Variants in TPGS2 observed in about 807,000 individuals in gnomAD.
TPGS2 encodes the protein tubulin polyglutamylase complex subunit 2, also known as polyglutamylase subunit 2.
TPGS2 carries 26 observed loss-of-function variants against 31.1 expected under a neutral mutation model. The observed-to-expected ratio is 0.84, with a 90% CI of 0.61 to 1.16. TPGS2 has a LOEUF of 1.16. Ranked by LOEUF, TPGS2 falls within the 50% of genes most tolerant of loss-of-function variation. The pLI is 0.00. For synonymous variants in TPGS2, 130 were observed against 136.6 expected (o/e 0.95, Z 0.34); for missense variants, 351 against 363.8 (o/e 0.96, Z 0.29).
chr18:36,806,850 TAAAAAAAAAAA>T (rs397962723), intron 3 of TPGS2, among the ~76,000 whole-genome samples: 28 of 37,336 alleles, frequency 7.5e-4, no homozygotes, highest in African/African-American at 2.7e-3. Context: ...GACTCCATCT[TAAAAAAAAAAA>T]AAAAAAAAAA....
chr18:36,795,421 C>CTAAT lies in TPGS2; in HGVS notation c.*1380_*1383dup, dbSNP rs1389534072. ...CCCTGCACCTCATTCCTCAAAACTC[C>CTAAT]TAATTCTCTAACCTCTGGGACTTCA... On this transcript the variant is annotated 3_prime_UTR_variant, in exon 7 of 7. Transcript: ENST00000334295. The CTAAT allele has an allele frequency of 2.0e-6, 2 of 985,256 alleles. No homozygotes were observed. The highest frequency in any genetic ancestry group is 1.7e-5 in the African/African-American group (1 of 57,216). The allele number at this position is 985,256 out of a possible 1,614,324, so 61.0% of individuals were successfully genotyped here.
chr18:36,796,107 G>C lies in TPGS2; in HGVS notation c.*698C>G, dbSNP rs183977749. ...ACAAACTTTATAGGAAGCTGCAAAA[G>C]AAATGAGCAGAGCGAGATATTTGTG... On this transcript the variant is annotated 3_prime_UTR_variant, in exon 7 of 7. Coordinates refer to ENST00000334295, the MANE Select transcript of TPGS2 (RefSeq NM_015476.4). 6.4e-5 allele frequency: 63 copies of C among 985,444 alleles called. No homozygotes were observed. Among genetic ancestry groups the C allele is most frequent in the Non-Finnish European group, 7.0e-5 (58 of 829,944 alleles). The allele number at this position is 985,444 out of a possible 1,614,324, so 61.0% of individuals were successfully genotyped here.
chr18:36,826,701 T>C (rs947923644), intron 1 of TPGS2, among the ~76,000 whole-genome samples: 4 of 152,300 alleles, frequency 2.6e-5, no homozygotes, highest in East Asian at 1.9e-4. Flanking sequence ...TAATGAATCA[T>C]AGCCATGAGT....
At position 36,810,250 on chromosome 18, in the gene TPGS2, A is replaced by G. The variant is rs760324869; in HGVS notation, c.166-2316T>C. Among the ~76,000 whole-genome samples, 6 of 152,198 alleles carry G rather than the reference A, an allele frequency of 3.9e-5. 1 individual carries two copies. Among genetic ancestry groups the G allele is most frequent in the Non-Finnish European group, 8.8e-5 (6 of 68,044 alleles). ...TTCTGAGTGGGGCAAATCCAGGAAG[A>G]AAGGTTCACAACCAAAATTTAAATG... is the stretch of plus-strand genomic sequence containing the variant. On this transcript the variant is annotated intron_variant, in intron 2 of 6. Coordinates refer to ENST00000334295, the MANE Select transcript of TPGS2 (RefSeq NM_015476.4).
Position 36,796,349 on chromosome 18 carries a change from CAAAA to C in TPGS2, c.*452_*455del. On this transcript the variant is annotated 3_prime_UTR_variant, in exon 7 of 7. Coordinates refer to ENST00000334295, the MANE Select transcript of TPGS2 (RefSeq NM_015476.4). ...AGAATCTACCAGCCACATGAATACT[CAAAA>C]TGTGGCTAATGCAATTGAAGAAATG... The C allele has an allele frequency of 1.0e-6, 1 of 968,180 alleles. No individual in the cohort carries two copies. Among genetic ancestry groups the C allele is most frequent in the Non-Finnish European group, 1.2e-6 (1 of 814,096 alleles). 60.0% of individuals were successfully genotyped at this position (968,180 alleles called of 1,614,324 possible).
At chr18:36,797,192 C>T (rs1037455225) in intron 6 of TPGS2, 142 bp from the exon 7 acceptor site, 2 of 1,485,848 alleles carry the variant, frequency 1.3e-6, no homozygotes, top group African/African-American at 1.4e-5. Flanking sequence ...TCTATTTGCT[C>T]TTCCTTTAAG....
Position 36,800,261 on chromosome 18 carries a change from A to C in TPGS2, c.433T>G (p.Phe145Val), listed in dbSNP as rs2044740142. ...CTGCCATTGCATGAATCCAGCTCAA[A>C]TATCACACTGCGAGAGTCAAAGTGA... The part of the protein sequence containing the change: ...KPHFDSRSVI[F>V]ELDSCNGSGK... The change falls in exon 5 of 7, where the codon TTT (phenylalanine) becomes GTT (valine). Residue 145 changes from phenylalanine (F) to valine (V), a missense_variant. Physicochemically the swap from Phe to Val is conservative, Grantham distance 50. Coordinates refer to ENST00000334295, the MANE Select transcript of TPGS2 (RefSeq NM_015476.4). 1 of 1,614,138 alleles carries C rather than the reference A, an allele frequency of 6.2e-7. No individual in the cohort carries two copies. The highest frequency in any genetic ancestry group is 8.5e-7 in the Non-Finnish European group (1 of 1,179,998).
At chr18:36,785,420 T>C (rs2044105278) in intron 6 of TPGS2, among the ~76,000 whole-genome samples, 1 of 152,218 alleles carries the variant, frequency 6.6e-6, no homozygotes, top group Admixed American at 6.5e-5. Context: ...TGTATGTAGG[T>C]TCAGCACCAA....
At chr18:36,813,754 T>G (rs1209675031) in intron 2 of TPGS2, among the ~76,000 whole-genome samples, 1 of 152,188 alleles carries the variant, frequency 6.6e-6, no homozygotes, top group Non-Finnish European at 1.5e-5. Flanking sequence ...TTGAAGGTTT[T>G]TTGTTTTTAA....
chr18:36,822,713 G>A (rs2045948190), intron 1 of TPGS2, among the ~76,000 whole-genome samples: 1 of 152,050 alleles, frequency 6.6e-6, no homozygotes, highest in Non-Finnish European at 1.5e-5. Flanking sequence ...TCCCATCTTA[G>A]CCTCCCAAGT....
At chr18:36,813,981 C>A (rs2045545621) in intron 2 of TPGS2, among the ~76,000 whole-genome samples, 1 of 152,090 alleles carries the variant, frequency 6.6e-6, no homozygotes, top group South Asian at 2.1e-4. Flanking sequence ...AACAGATCTT[C>A]AAGAAGGTTC....
At chr18:36,784,450 AAAT>A (rs1178322547) in intron 6 of TPGS2, among the ~76,000 whole-genome samples, 2 of 152,236 alleles carry the variant, frequency 1.3e-5, no homozygotes, top group African/African-American at 2.4e-5. Context: ...AGATAAGTAC[AAAT>A]AATACCAAAT....
At chr18:36,803,812 T>C (rs1021744705) in intron 4 of TPGS2, among the ~76,000 whole-genome samples, 8 of 152,240 alleles carry the variant, frequency 5.3e-5, no homozygotes, top group Non-Finnish European at 1.5e-5. Flanking sequence ...AAAGTCTTTA[T>C]GTTGTCTTAA....
intron 4 of TPGS2, among the ~76,000 whole-genome samples, chr18:36,803,984 C>T (rs2044977530): frequency 6.6e-6 from 1 of 152,026 alleles, no homozygotes; most frequent in Non-Finnish European, 1.5e-5. Context: ...GCTACAGCCT[C>T]AAACTCGTGG....
intron 2 of TPGS2, 131 bp from the exon 3 acceptor site, chr18:36,808,065 C>T: frequency 4.6e-6 from 4 of 860,568 alleles, no homozygotes; most frequent in Non-Finnish European, 7.3e-6. Flanking sequence ...TAGTCACCTA[C>T]AAAACTCTAT....
intron 1 of TPGS2, among the ~76,000 whole-genome samples, chr18:36,823,112 G>T (rs1268223974): frequency 5.3e-5 from 8 of 152,188 alleles, no homozygotes; most frequent in Non-Finnish European, 1.5e-5. Flanking sequence ...ATTAAGTCAT[G>T]GTTCTGTAGC....
chr18:36,828,457 G>GA (rs921610292), intron 1 of TPGS2, among the ~76,000 whole-genome samples: 1 of 152,096 alleles, frequency 6.6e-6, no homozygotes, highest in African/African-American at 2.4e-5. Context: ...GTGAGTGGGG[G>GA]AAACTTCAGG....
intron 4 of TPGS2, among the ~76,000 whole-genome samples, chr18:36,800,629 C>A (rs1304961570): frequency 6.6e-6 from 1 of 152,062 alleles, no homozygotes; most frequent in Non-Finnish European, 1.5e-5. Context: ...AACTTCATTT[C>A]CTTTCCTGAG....
chr18:36,820,500 AGGT>A (rs983242464), intron 1 of TPGS2, among the ~76,000 whole-genome samples: 1 of 152,176 alleles, frequency 6.6e-6, no homozygotes, highest in African/African-American at 2.4e-5. Context: ...ATTGGTGAGG[AGGT>A]GGTGTTGGGG....
Sources: gnomAD v4.1 joint callset for allele counts (sites outside exome capture counted in the v4.1 genomes callset) on GRCh38, gnomAD v4.1.1 for gene constraint, MANE v1.5 for transcripts, NCBI Gene and HGNC (gene_info 2026-07-23, HGNC 2026-07-21) for gene names.